The following RGS13 variants were observed in gnomAD, a reference collection of about 807,000 sequenced individuals.
RGS13 encodes regulator of G-protein signalling 13.
Under a neutral mutation model 19.9 loss-of-function variants are expected in RGS13, and 14 were observed. The observed-to-expected ratio is 0.70, with a 90% confidence interval of 0.46 to 1.10. RGS13 has a LOEUF of 1.10. RGS13 is among the 50% of genes least tolerant of loss of function. The pLI, the probability that RGS13 is intolerant of heterozygous loss-of-function variation, is 0.00. For missense variants in RGS13, 205 were observed against 187.1 expected (o/e 1.10, Z -0.56); for synonymous variants, 60 against 56.8 (o/e 1.06, Z -0.25).
chr1:192,653,661 C>T (rs1050791041), intron 5 of RGS13, among the ~76,000 whole-genome samples: 2 of 151,944 alleles, frequency 1.3e-5, no homozygotes, highest in South Asian at 4.1e-4. Flanking sequence ...AGAAAGTGTT[C>T]CCTATGTGCT....
chr1:192,644,584 G>T, intron 4 of RGS13, 185 bp downstream of exon 4: 2 of 524,898 alleles, frequency 3.8e-6, no homozygotes, highest in Non-Finnish European at 6.9e-6. Context: ...CATTATTCAT[G>T]GTTTACACTT....
chr1:192,641,250 AAAGAAAAGAAAGAAAGAAAG>A lies in RGS13; in HGVS notation c.-5+3050_-4-3059del, dbSNP rs1558049214. ...AAAGAAAGAAAGAAAGAAAGAAAAG[AAAGAAAAGAAAGAAAGAAAG>A]AAAGAAAGAAAGAAAGAAAGAAAGA... On this transcript the variant is annotated intron_variant, in intron 3 of 6. Transcript: ENST00000391995. 1.1e-4 allele frequency among the ~76,000 whole-genome samples: 6 copies of A among 56,292 alleles called. No individual in the cohort carries two copies. In the East Asian group the frequency reaches 2.7e-3, roughly 26 times the overall value. 36.9% of individuals were successfully genotyped at this position (56,292 alleles called of 152,430 possible).
At chr1:192,659,237 C>T in intron 6 of RGS13, 101 bp from the exon 7 acceptor site, 1 of 695,186 alleles carries the variant, frequency 1.4e-6, no homozygotes, top group Non-Finnish European at 2.3e-6. Context: ...TACCCTATTC[C>T]ACTGAAAAGG....
chr1:192,654,384 A>T (rs541037194), intron 5 of RGS13, among the ~76,000 whole-genome samples: 29 of 151,752 alleles, frequency 1.9e-4, no homozygotes, highest in Non-Finnish European at 2.8e-4. Flanking sequence ...TGAAAAAAAG[A>T]CCCACAACTC....
chr1:192,637,772 A>G (rs1445354930), intron 2 of RGS13, 112 bp downstream of exon 2: 2 of 152,042 alleles, frequency 1.3e-5, no homozygotes, highest in Non-Finnish European at 2.9e-5. Flanking sequence ...AAATATTTAA[A>G]GTTATTTTTT....
chr1:192,636,580 A>C (rs183709882), intron 1 of RGS13, among the ~76,000 whole-genome samples: 191 of 152,080 alleles, frequency 1.3e-3, no homozygotes, highest in African/African-American at 3.8e-3. Flanking sequence ...ATATTATTTC[A>C]TTTTATGTTT....
At chr1:192,652,351 T>C (rs550490984) in intron 5 of RGS13, among the ~76,000 whole-genome samples, 3 of 152,166 alleles carry the variant, frequency 2.0e-5, no homozygotes, top group South Asian at 4.1e-4. Flanking sequence ...TTCTCTCAGC[T>C]TTTTTCATCT....
In RGS13 at chr1:192,647,946, T is replaced by C. The variant is rs773094777; in HGVS notation, c.86T>C (p.Leu29Ser). ...CAAAGCCTTACTTTGGAGGAAGTAT[T>C]ACAGTGGGCCCAGTCTTTTGAAAAT... ...PPSNLTLEEV[L>S]QWAQSFENLM... The change falls in exon 5 of 7, where the codon TTA (leucine) becomes TCA (serine). Residue 29 changes from leucine to serine, a missense_variant. Physicochemically the swap from Leu to Ser is moderately radical, Grantham distance 145 (BLOSUM62 -2). Transcript: ENST00000391995. 1 of 1,603,208 alleles carries C rather than the reference T, an allele frequency of 6.2e-7. No homozygotes were observed.
At chr1:192,647,044 G>T (rs941230736) in intron 4 of RGS13, 3 of 152,066 alleles carry the variant, frequency 2.0e-5, no homozygotes, top group Non-Finnish European at 4.4e-5. Context: ...AATTAAAACT[G>T]ATACAAAAAA....
At chr1:192,653,679 A>G (rs1167138853) in intron 5 of RGS13, among the ~76,000 whole-genome samples, 1 of 152,120 alleles carries the variant, frequency 6.6e-6, no homozygotes, top group Admixed American at 6.6e-5. Context: ...GCTATTAACT[A>G]TGAAAGAATA....
At chr1:192,655,190 G>A (rs1663413053) in intron 5 of RGS13, among the ~76,000 whole-genome samples, 1 of 152,070 alleles carries the variant, frequency 6.6e-6, no homozygotes, top group East Asian at 1.9e-4. Context: ...TGAGTAACTT[G>A]CAGCATATTC....
intron 5 of RGS13, among the ~76,000 whole-genome samples, chr1:192,655,283 T>C (rs182016711): frequency 3.3e-5 from 5 of 152,284 alleles, no homozygotes; most frequent in African/African-American, 9.6e-5. Context: ...GCTAGAATTA[T>C]ATCTGAAATA....
chr1:192,656,366 CATTT>C (rs2102038518), intron 5 of RGS13, among the ~76,000 whole-genome samples: 1 of 147,868 alleles, frequency 6.8e-6, no homozygotes, highest in East Asian at 2.0e-4. Flanking sequence ...TTTATTTGTT[CATTT>C]GTTTGTTTGT....
chr1:192,655,948 T>A (rs1663430541), intron 5 of RGS13, among the ~76,000 whole-genome samples: 1 of 152,014 alleles, frequency 6.6e-6, no homozygotes, highest in Admixed American at 6.6e-5. Context: ...AGCAAAGGAC[T>A]TTGGTATGAC....
rs1663570633 is a variant in RGS13, at chr1:192,659,400, A to G, written c.357A>G (p.Thr119=). Residue 119 remains threonine (T), a synonymous_variant, in exon 7 of 7, where the codon ACA becomes ACG. Transcript: ENST00000391995. ...GGAACATTCAGGAACCCACTGAAAC[A>G]TGTTTTGAAGAAGCTCAGAAAATAG... is the stretch of plus-strand genomic sequence containing the variant. ...IIRNIQEPTE[T]CFEEAQKIVY... The G allele has an allele frequency of 2.5e-6, 4 of 1,612,908 alleles. No homozygotes were observed. Among genetic ancestry groups the G allele is most frequent in the African/African-American group, 1.3e-5 (1 of 74,894 alleles).
At chr1:192,643,487 AC>A (rs1486102072) in intron 3 of RGS13, among the ~76,000 whole-genome samples, 9 of 152,254 alleles carry the variant, frequency 5.9e-5, no homozygotes, top group Admixed American at 5.2e-4. Context: ...ATAAACTCTA[AC>A]TGAATTTTAA....
intron 3 of RGS13, among the ~76,000 whole-genome samples, chr1:192,641,894 C>T (rs1558049473): frequency 6.6e-6 from 1 of 152,076 alleles, no homozygotes; most frequent in Non-Finnish European, 1.5e-5. Context: ...CTTACATATC[C>T]AATGGGTCAA....
intron 3 of RGS13, among the ~76,000 whole-genome samples, chr1:192,642,885 G>A (rs1378262314): frequency 1.3e-5 from 2 of 151,710 alleles, no homozygotes; most frequent in Non-Finnish European, 2.9e-5. Flanking sequence ...TTTGAGATAG[G>A]GTCTCACTCT....
intron 3 of RGS13, among the ~76,000 whole-genome samples, chr1:192,638,665 G>A (rs2102027359): frequency 6.6e-6 from 1 of 152,188 alleles, no homozygotes; most frequent in East Asian, 1.9e-4. Flanking sequence ...CCAGTCTCCA[G>A]TTCCATTTCC....
Sources: allele counts gnomAD v4.1 joint callset (sites outside exome capture counted in the v4.1 genomes callset), GRCh38; gene constraint gnomAD v4.1.1; transcripts MANE v1.5; gene names NCBI Gene and HGNC (gene_info 2026-07-23, HGNC 2026-07-21).